LNX2: variants seen among roughly 807,000 people sequenced by gnomAD.
LNX2 encodes ligand of numb-protein X 2.
In LNX2, 35 loss-of-function variants were observed where a neutral mutation model predicts 66.2. That is an observed-to-expected ratio of 0.53 (90% CI 0.40 to 0.70). The LOEUF (loss-of-function observed/expected upper bound fraction) is 0.70, where lower values mean the gene tolerates loss of function less well. LNX2 is among the 30% of genes least tolerant of loss of function. The pLI is 0.00. For synonymous variants in LNX2, 337 were observed against 315.6 expected, an observed-to-expected ratio of 1.07 and a Z score of -0.72; for missense variants, 791 against 850.8, an observed-to-expected ratio of 0.93 and a Z score of 0.87.
chr13:27,590,951 T>C (rs982705447), intron 1 of LNX2, among the ~76,000 whole-genome samples: 2 of 152,162 alleles, frequency 1.3e-5, no homozygotes, highest in Non-Finnish European at 2.9e-5. Context: ...TATAACTTTA[T>C]ATATGTATTA....
rs1555268475 is a variant in LNX2, at chr13:27,583,214, G to GTCCTCTCCAATATAAC, written c.-100-1412_-100-1411insGTTATATTGGAGAGGA. On this transcript the variant is annotated intron_variant, in intron 1 of 9. Coordinates refer to ENST00000316334, the MANE Select transcript of LNX2 (RefSeq NM_153371.4). ...TGTGTGTGTGTGTGTGTGTGTGTGTGTGTGTGTGTGTGTGTGTGTGTGTGT... is the reference window on the plus strand; with the variant it reads ...TGTGTGTGTGTGTGTGTGTGTGTGTGTCCTCTCCAATATAACTGTGTGTGTGTGTGTGTGTGTGTGT... 1.2e-3 allele frequency among the ~76,000 whole-genome samples: 21 copies of GTCCTCTCCAATATAAC among 16,928 alleles called. 4 individuals carry two copies. Among genetic ancestry groups the GTCCTCTCCAATATAAC allele is most frequent in the East Asian group, 7.4e-3 (5 of 680 alleles). The allele number at this position is 16,928 out of a possible 152,430, so 11.1% of individuals were successfully genotyped here. A position where few individuals can be genotyped will look rare whatever the true frequency, so the allele number is the denominator to read the frequency against.
chr13:27,581,350 T>C lies in LNX2; in HGVS notation c.354A>G (p.Ser118=). Residue 118 remains serine (S), a synonymous_variant, in exon 2 of 10, where the codon TCA becomes TCG. Coordinates refer to ENST00000316334, the MANE Select transcript of LNX2 (RefSeq NM_153371.4). ...DKLLVLCPFS[S]VCKDVMQRCD... Reference sequence around the variant, plus strand: ...AACGTTGCATTACATCTTTGCACACTGAAGAAAATGGACATAAAACTAATA... The same window carrying C: ...AACGTTGCATTACATCTTTGCACACCGAAGAAAATGGACATAAAACTAATA... 1.9e-6 allele frequency: 3 copies of C among 1,558,924 alleles called. No individual in the cohort carries two copies. Among genetic ancestry groups the C allele is most frequent in the Non-Finnish European group, 2.6e-6 (3 of 1,149,342 alleles).
chr13:27,550,350 A>G lies in LNX2; in HGVS notation c.1920T>C (p.Tyr640=), dbSNP rs1008752858. Residue 640 remains tyrosine (Y), a synonymous_variant, in exon 9 of 10, where the codon TAT becomes TAC. Transcript: ENST00000316334. ...IKTIVLGTPA[Y]YDGRLKCGDM... ...AGACTCACTTTAATCTTCCATCATA[A>G]TAAGCAGGAGTTCCCAAGACAATAG... 4 of 1,612,950 alleles carry G rather than the reference A, an allele frequency of 2.5e-6. No individual in the cohort carries two copies. In the African/African-American group the frequency reaches 5.3e-5, roughly 22 times the overall value.
intron 2 of LNX2, among the ~76,000 whole-genome samples, chr13:27,577,654 C>T (rs1280636209): frequency 6.6e-6 from 1 of 152,140 alleles, no homozygotes; most frequent in Non-Finnish European, 1.5e-5. Context: ...GAAAAGTTCT[C>T]AGCAAGGAAA....
chr13:27,593,363 T>G (rs561329963), intron 1 of LNX2, among the ~76,000 whole-genome samples: 2 of 152,268 alleles, frequency 1.3e-5, no homozygotes, highest in Admixed American at 1.3e-4. Context: ...TCATCTCCAA[T>G]AGTTTTGAAA....
intron 1 of LNX2, among the ~76,000 whole-genome samples, chr13:27,605,138 C>T (rs970335906): frequency 2.6e-5 from 4 of 152,164 alleles, no homozygotes; most frequent in Non-Finnish European, 4.4e-5. Context: ...TATTTCACTA[C>T]GTAAGCTTGA....
intron 3 of LNX2, 138 bp downstream of exon 3, chr13:27,568,891 T>C: frequency 2.3e-6 from 2 of 883,592 alleles, no homozygotes; most frequent in South Asian, 4.2e-5. Flanking sequence ...ATAAATTATA[T>C]CTCAATGAAG....
chr13:27,620,147 G>C (rs962270201), intron 1 of LNX2, among the ~76,000 whole-genome samples: 1 of 144,448 alleles, frequency 6.9e-6, no homozygotes, highest in East Asian at 2.1e-4. Context: ...ACCGGGCGCC[G>C]ACTCTCCCTC....
chr13:27,590,372 C>A (rs1331435038), intron 1 of LNX2, among the ~76,000 whole-genome samples: 1 of 152,074 alleles, frequency 6.6e-6, no homozygotes, highest in Non-Finnish European at 1.5e-5. Context: ...GCACATGCCA[C>A]CATGCGTGGC....
At chr13:27,607,524 A>G (rs1200367780) in intron 1 of LNX2, among the ~76,000 whole-genome samples, 1 of 152,212 alleles carries the variant, frequency 6.6e-6, no homozygotes, top group Non-Finnish European at 1.5e-5. Context: ...ACAAAGAGTG[A>G]TAGAATTATT....
intron 4 of LNX2, among the ~76,000 whole-genome samples, chr13:27,564,584 T>A (rs1022798004): frequency 2.0e-5 from 3 of 152,178 alleles, no homozygotes; most frequent in Non-Finnish European, 4.4e-5. Context: ...CAAAAAGCTC[T>A]AACAGCATAT....
chr13:27,567,182 T>C (rs1262308034), intron 4 of LNX2, among the ~76,000 whole-genome samples: 2 of 152,136 alleles, frequency 1.3e-5, no homozygotes, highest in African/African-American at 4.8e-5. Flanking sequence ...GTATAAATTA[T>C]GAGTGCTGCA....
At chr13:27,608,252 T>C (rs1955738774) in intron 1 of LNX2, among the ~76,000 whole-genome samples, 1 of 152,244 alleles carries the variant, frequency 6.6e-6, no homozygotes, top group Admixed American at 6.5e-5. Flanking sequence ...TATTTTGCCT[T>C]GTCACAACTC....
chr13:27,586,512 C>CT (rs549417354), intron 1 of LNX2, among the ~76,000 whole-genome samples: 30 of 152,166 alleles, frequency 2.0e-4, no homozygotes, highest in Non-Finnish European at 4.3e-4. Context: ...ACTATCAGCT[C>CT]TAAGAGTGAG....
At chr13:27,560,198 C>G (rs1190316241) in intron 5 of LNX2, among the ~76,000 whole-genome samples, 1 of 152,142 alleles carries the variant, frequency 6.6e-6, no homozygotes, top group African/African-American at 2.4e-5. Context: ...ACACAAAAAT[C>G]TTGGGCATGC....
intron 1 of LNX2, among the ~76,000 whole-genome samples, chr13:27,618,040 G>A (rs1955845851): frequency 6.6e-6 from 1 of 152,196 alleles, no homozygotes; most frequent in African/African-American, 2.4e-5. Context: ...GGAAATCAAA[G>A]TTCTGTCAGG....
chr13:27,619,642 T>C (rs1955869907), intron 1 of LNX2, among the ~76,000 whole-genome samples: 2 of 152,228 alleles, frequency 1.3e-5, no homozygotes, highest in Non-Finnish European at 2.9e-5. Context: ...CTTTAGCTCC[T>C]GGTACAAACG....
At chr13:27,579,915 T>A (rs1053687040) in intron 2 of LNX2, among the ~76,000 whole-genome samples, 19 of 152,186 alleles carry the variant, frequency 1.2e-4, no homozygotes, top group Non-Finnish European at 2.5e-4. Flanking sequence ...TATAAAAAAA[T>A]GCAATGCTAC....
intron 1 of LNX2, among the ~76,000 whole-genome samples, chr13:27,605,457 T>C (rs1023161829): frequency 2.0e-5 from 3 of 152,218 alleles, no homozygotes; most frequent in South Asian, 2.1e-4. Context: ...GCCAACTATG[T>C]GGCATAAACT....
Sources: allele counts gnomAD v4.1 joint callset (sites outside exome capture counted in the v4.1 genomes callset), GRCh38; gene constraint gnomAD v4.1.1; transcripts MANE v1.5; gene names NCBI Gene and HGNC (gene_info 2026-07-23, HGNC 2026-07-21).